Variants in OXCT1 observed in about 807,000 individuals in gnomAD.
OXCT1 encodes succinyl-CoA:3-ketoacid coenzyme A transferase 1, mitochondrial.
A neutral mutation model predicts 69.6 loss-of-function variants in OXCT1; 27 were observed. The ratio of observed to expected loss-of-function variants is 0.39; its 90% CI spans 0.29 to 0.54. The LOEUF is 0.54. OXCT1 is among the 20% of genes least tolerant of loss of function. The probability of loss-of-function intolerance (pLI) is 0.72; values close to 1 mark genes in which losing one functional copy is unlikely to be tolerated. For synonymous variants in OXCT1, 202 were observed against 217.8 expected (o/e 0.93, Z 0.64); for missense variants, 437 against 650.2 (o/e 0.67, Z 3.57).
chr5:41,868,934 T>C (rs1303899411), intron 1 of OXCT1, among the ~76,000 whole-genome samples: 2 of 152,182 alleles, frequency 1.3e-5, no homozygotes, highest in African/African-American at 2.4e-5. Context: ...ATACTCAAGA[T>C]GGAAAAGACT....
chr5:41,737,350 C>G (rs1268125018), intron 16 of OXCT1, among the ~76,000 whole-genome samples: 1 of 152,124 alleles, frequency 6.6e-6, no homozygotes, highest in Non-Finnish European at 1.5e-5. Flanking sequence ...AAAGCAAGAA[C>G]AGTAAAAACT....
intron 16 of OXCT1, among the ~76,000 whole-genome samples, chr5:41,733,184 C>G (rs138678905): frequency 2.1e-3 from 325 of 151,626 alleles, no homozygotes; most frequent in African/African-American, 7.5e-3. Flanking sequence ...GTATATCTCA[C>G]AGTTCATTTT....
intron 13 of OXCT1, among the ~76,000 whole-genome samples, chr5:41,768,190 T>C (rs892053504): frequency 6.6e-6 from 1 of 152,168 alleles, no homozygotes; most frequent in African/African-American, 2.4e-5. Context: ...TTCCTTGAAG[T>C]TACAATTGGT....
chr5:41,858,089 AT>A (rs998682096), intron 3 of OXCT1, among the ~76,000 whole-genome samples: 5 of 152,142 alleles, frequency 3.3e-5, no homozygotes, highest in African/African-American at 1.2e-4. Context: ...TCTGAGAATC[AT>A]TGTTTATATG....
At chr5:41,814,737 AG>A (rs1198565304) in intron 7 of OXCT1, among the ~76,000 whole-genome samples, 1 of 60,998 alleles carries the variant, frequency 1.6e-5, no homozygotes, top group East Asian at 5.9e-4. Flanking sequence ...GGGTGGGGGG[AG>A]GGGGGAGGGA....
chr5:41,812,570 G>A (rs992164217), intron 7 of OXCT1, among the ~76,000 whole-genome samples: 2 of 152,012 alleles, frequency 1.3e-5, no homozygotes, highest in Non-Finnish European at 2.9e-5. Flanking sequence ...AGAATGAGAT[G>A]AGGACTCCTC....
At chr5:41,809,155 G>T (rs1236923109) in intron 7 of OXCT1, among the ~76,000 whole-genome samples, 1 of 151,904 alleles carries the variant, frequency 6.6e-6, no homozygotes, top group African/African-American at 2.4e-5. Flanking sequence ...AATGCACTTT[G>T]GGATAGACAA....
At chr5:41,841,981 T>C (rs1748647528) in intron 6 of OXCT1, among the ~76,000 whole-genome samples, 1 of 152,172 alleles carries the variant, frequency 6.6e-6, no homozygotes, top group Non-Finnish European at 1.5e-5. Flanking sequence ...GCAAAAACAA[T>C]GATTTCTGTA....
intron 14 of OXCT1, among the ~76,000 whole-genome samples, chr5:41,757,652 G>T (rs1272537353): frequency 6.6e-6 from 1 of 151,898 alleles, no homozygotes; most frequent in African/African-American, 2.4e-5. Flanking sequence ...ATATTCCTTT[G>T]GTCATTCACA....
At chr5:41,864,451 CAA>C (rs1409331550) in intron 1 of OXCT1, among the ~76,000 whole-genome samples, 2 of 152,184 alleles carry the variant, frequency 1.3e-5, no homozygotes, top group South Asian at 2.1e-4. Context: ...GCTTGAGCCA[CAA>C]AGAGTTTTCC....
chr5:41,756,701 TGAA>T (rs1054469797), intron 14 of OXCT1, among the ~76,000 whole-genome samples: 20 of 152,098 alleles, frequency 1.3e-4, no homozygotes, highest in Admixed American at 1.0e-3. Flanking sequence ...TGCATTCTGC[TGAA>T]GAAGGGGGAG....
At chr5:41,815,274 T>C (rs1747184713) in intron 7 of OXCT1, among the ~76,000 whole-genome samples, 1 of 152,190 alleles carries the variant, frequency 6.6e-6, no homozygotes, top group Non-Finnish European at 1.5e-5. Context: ...GACAAGTATT[T>C]TCATTTCCAC....
At chr5:41,857,572 G>A (rs1309658922) in intron 3 of OXCT1, among the ~76,000 whole-genome samples, 1 of 152,158 alleles carries the variant, frequency 6.6e-6, no homozygotes, top group Non-Finnish European at 1.5e-5. Flanking sequence ...GGAAAATGTT[G>A]GGATTTATAT....
chr5:41,748,725 G>A (rs1743627671), intron 15 of OXCT1, among the ~76,000 whole-genome samples: 1 of 152,058 alleles, frequency 6.6e-6, no homozygotes, highest in Non-Finnish European at 1.5e-5. Flanking sequence ...ACCTCAGTGA[G>A]GTTAGCGAGT....
intron 5 of OXCT1, chr5:41,843,618 A>T: frequency 2.2e-6 from 1 of 456,138 alleles, no homozygotes; most frequent in Non-Finnish European, 4.4e-6. Context: ...CGGGAATTAA[A>T]ACAAGCATCC....
chr5:41,837,004 C>T (rs1199456513), intron 7 of OXCT1, among the ~76,000 whole-genome samples: 2 of 152,086 alleles, frequency 1.3e-5, no homozygotes, highest in East Asian at 3.8e-4. Flanking sequence ...AAAACATTTG[C>T]TGTAAATTAT....
At chr5:41,818,943 A>T (rs1747389758) in intron 7 of OXCT1, among the ~76,000 whole-genome samples, 1 of 151,932 alleles carries the variant, frequency 6.6e-6, no homozygotes, top group South Asian at 2.1e-4. Context: ...AAAGAAAAAG[A>T]AAAAAAGCAA....
intron 15 of OXCT1, among the ~76,000 whole-genome samples, chr5:41,742,958 T>C (rs867385997): frequency 1.3e-5 from 2 of 152,232 alleles, no homozygotes; most frequent in African/African-American, 4.8e-5. Flanking sequence ...TGTGTCTTTA[T>C]AGCAGCATGA....
At chr5:41,847,704 G>A (rs937918598) in intron 5 of OXCT1, among the ~76,000 whole-genome samples, 2 of 152,158 alleles carry the variant, frequency 1.3e-5, no homozygotes, top group Non-Finnish European at 2.9e-5. Context: ...AATAGATGCA[G>A]AAAAGACCGT....
Sources: gnomAD v4.1 joint callset for allele counts (sites outside exome capture counted in the v4.1 genomes callset) on GRCh38, gnomAD v4.1.1 for gene constraint, MANE v1.5 for transcripts, NCBI Gene and HGNC (gene_info 2026-07-23, HGNC 2026-07-21) for gene names.